Variants in RASAL1 observed in about 807,000 individuals in gnomAD.
RASAL1 encodes RAS protein activator like 1.
Under a neutral mutation model 96.6 loss-of-function variants are expected in RASAL1, and 72 were observed. That is an observed-to-expected ratio of 0.75 (90% confidence interval 0.62 to 0.91). The LOEUF is 0.91. Ranked by LOEUF, RASAL1 falls within the 40% of genes least tolerant of loss-of-function variation. The pLI is 0.00. For missense variants in RASAL1, 1,016 were observed against 1,072.5 expected, an observed-to-expected ratio of 0.95 and a Z score of 0.74; for synonymous variants, 405 against 430.4, an observed-to-expected ratio of 0.94 and a Z score of 0.73.
intron 13 of RASAL1, among the ~76,000 whole-genome samples, chr12:113,108,541 A>C (rs1223288205): frequency 3.3e-5 from 5 of 152,364 alleles, no homozygotes; most frequent in Non-Finnish European, 4.4e-5. Flanking sequence ...CAGATGAGGA[A>C]GCAGAAGCTC....
intron 13 of RASAL1, among the ~76,000 whole-genome samples, chr12:113,109,364 G>A (rs2136138900): frequency 6.6e-6 from 1 of 152,242 alleles, no homozygotes; most frequent in South Asian, 2.1e-4. Flanking sequence ...GCTCAGTAGT[G>A]AACCCAGTCT....
At chr12:113,110,129 C>G (rs1950815215) in intron 13 of RASAL1, among the ~76,000 whole-genome samples, 1 of 152,192 alleles carries the variant, frequency 6.6e-6, no homozygotes, top group African/African-American at 2.4e-5. Context: ...GCTGGCAGCC[C>G]AGGTGAGAGC....
chr12:113,100,660 G>C lies in RASAL1; in HGVS notation c.2246C>G (p.Ser749Cys), dbSNP rs751347203. 6.2e-7 allele frequency: 1 copy of C among 1,609,916 alleles called. No individual in the cohort carries two copies. Among genetic ancestry groups the C allele is most frequent in the African/African-American group, 1.3e-5 (1 of 74,806 alleles). ...DQLRLKLLED[S>C]NMDTTLEADT... Reference sequence around the variant, plus strand: ...TGCCTCCAGAGTTGTATCCATGTTAGAATCCTCCAGTAATTTCAGCCTGGA... The same window carrying C: ...TGCCTCCAGAGTTGTATCCATGTTACAATCCTCCAGTAATTTCAGCCTGGA... The change falls in exon 20 of 21, where the codon TCT becomes TGT. Residue 749 changes from serine (S) to cysteine (C), a missense_variant. Coordinates refer to ENST00000548055, the MANE Select transcript of RASAL1 (RefSeq NM_001301202.2).
In RASAL1 at chr12:113,131,092, AC is replaced by A. The variant is rs1226351346; in HGVS notation, c.66-152del. 75 of 609,510 alleles carry A rather than the reference AC, an allele frequency of 1.2e-4. 2 individuals are homozygous for A. The East Asian group carries it at 2.0e-3, about 17-fold the overall frequency. The allele number at this position is 609,510 out of a possible 1,614,324, so 37.8% of individuals were successfully genotyped here. A position where few individuals can be genotyped will look rare whatever the true frequency, so the allele number is the denominator to read the frequency against. ...ACAGCAAGTCCAGCTCAGAAGTAGA[AC>A]CTTAGGGGACCAGCAGGAGATGTCA... On this transcript the variant is annotated intron_variant, in intron 1 of 20. Coordinates refer to ENST00000548055, the MANE Select transcript of RASAL1 (RefSeq NM_001301202.2).
chr12:113,107,385 G>A, intron 14 of RASAL1, 144 bp from the exon 15 acceptor site: 2 of 980,554 alleles, frequency 2.0e-6, no homozygotes, highest in Middle Eastern at 3.3e-4. Context: ...CACTTTGGGA[G>A]GCCGAAGTAA....
chr12:113,136,625 G>T (rs533915753), upstream of RASAL1, among the ~76,000 whole-genome samples: 1 of 152,356 alleles, frequency 6.6e-6, no homozygotes, highest in East Asian at 1.9e-4. Flanking sequence ...ACCTCTCTGT[G>T]CTTTGGTTTG....
At chr12:113,106,732 C>T (rs911216010) in intron 15 of RASAL1, among the ~76,000 whole-genome samples, 1 of 152,166 alleles carries the variant, frequency 6.6e-6, no homozygotes, top group South Asian at 2.1e-4. Flanking sequence ...GCCTGTGGTC[C>T]CCAACAAAAT....
rs1378940833 is a variant in RASAL1 at position 113,115,503 on chromosome 12, G to A, written c.1003+132C>T. The A allele has an allele frequency of 3.1e-6, 4 of 1,270,434 alleles. No individual in the cohort carries two copies. Among genetic ancestry groups the A allele is most frequent in the Admixed American group, 5.0e-5 (2 of 40,060 alleles). 78.7% of individuals were successfully genotyped at this position (1,270,434 alleles called of 1,614,324 possible). On this transcript the variant is annotated intron_variant, in intron 10 of 20. Transcript: ENST00000548055. This position sits in a 1 kb window ranked among gnomAD's most constrained non-coding sequence, Gnocchi z 4.1. ...ATTGGGCTCCCAACTGTCTGGAGGT[G>A]CACAGCACAGGGACCCACAGAAAAA...
chr12:113,115,070 C>G lies in RASAL1; in HGVS notation c.1068+130G>C. The G allele has an allele frequency of 8.6e-7, 1 of 1,164,846 alleles. No homozygotes were observed. The highest frequency in any genetic ancestry group is 1.3e-6 in the Non-Finnish European group (1 of 782,484). 72.2% of individuals were successfully genotyped at this position (1,164,846 alleles called of 1,614,324 possible). On this transcript the variant is annotated intron_variant, in intron 11 of 20. Coordinates refer to ENST00000548055, the MANE Select transcript of RASAL1 (RefSeq NM_001301202.2). This position sits in a 1 kb window ranked among gnomAD's most constrained non-coding sequence, Gnocchi z 4.1. Reference sequence around the variant, plus strand: ...GTGCAACTCAGGGCAAGGCCGGGCACCAGCCGCCAGCACTGCAGCTCGGCT... The same window carrying G: ...GTGCAACTCAGGGCAAGGCCGGGCAGCAGCCGCCAGCACTGCAGCTCGGCT...
At chr12:113,109,211 C>T (rs73207014) in intron 13 of RASAL1, among the ~76,000 whole-genome samples, 15,697 of 152,062 alleles carry the variant, frequency 0.1, 1,075 homozygotes, top group Middle Eastern at 0.19. Context: ...CTTCACCACA[C>T]TCTCCTGCCA....
chr12:113,105,302 A>C (rs542773766), intron 16 of RASAL1, among the ~76,000 whole-genome samples: 1 of 152,382 alleles, frequency 6.6e-6, no homozygotes, highest in South Asian at 2.1e-4. Context: ...TTGCTGAATG[A>C]ATGAACGAGT....
At chr12:113,134,651 G>A (rs530944866) in intron 1 of RASAL1, among the ~76,000 whole-genome samples, 14 of 152,330 alleles carry the variant, frequency 9.2e-5, no homozygotes, top group African/African-American at 3.4e-4. Flanking sequence ...AAGCAGGAGG[G>A]GGAACCCGCC....
At chr12:113,103,155 T>A (rs1950509930) in intron 18 of RASAL1, 1 of 167,514 alleles carries the variant, frequency 6.0e-6, no homozygotes, top group Non-Finnish European at 1.3e-5. Flanking sequence ...ATATACATTG[T>A]TAATAACAAT....
rs370529158 is a variant in RASAL1 at position 113,121,489 on chromosome 12, C to G, written c.428+20G>C. 1.2e-6 allele frequency: 2 copies of G among 1,613,728 alleles called. No homozygotes were observed. The highest frequency in any genetic ancestry group is 1.7e-6 in the Non-Finnish European group (2 of 1,179,824). ...CTCATTCTCAGACCACCCTCCACAC[C>G]ACCTCCACCTTAAGCATACCTGGCC... On this transcript the variant is annotated intron_variant, in intron 5 of 20. Transcript: ENST00000548055.
At chr12:113,118,565 A>G (rs1165387541) in intron 7 of RASAL1, among the ~76,000 whole-genome samples, 1 of 152,186 alleles carries the variant, frequency 6.6e-6, no homozygotes, top group Non-Finnish European at 1.5e-5. Flanking sequence ...ATCTTTAACT[A>G]TTTGAGGAAA....
At position 113,114,765 on chromosome 12, in the gene RASAL1, C is replaced by A. The variant is rs760395252; in HGVS notation, c.1181+35G>T. ...CAAGGCTCCGGGTAGCCAAAGGGGC[C>A]CGTCGGAAGGTCAGGGTCCTCAGGC... On this transcript the variant is annotated intron_variant, in intron 12 of 20. Transcript: ENST00000548055. 7.6e-6 allele frequency: 12 copies of A among 1,574,470 alleles called. No homozygotes were observed. In the South Asian group the frequency reaches 1.3e-4, roughly 17 times the overall value.
At position 113,129,398 on chromosome 12, in the gene RASAL1, G is replaced by A. The variant is rs1012456238; in HGVS notation, c.123-1220C>T. 6.6e-6 allele frequency among the ~76,000 whole-genome samples: 1 copy of A among 152,206 alleles called. No individual in the cohort carries two copies. Among genetic ancestry groups the A allele is most frequent in the Non-Finnish European group, 1.5e-5 (1 of 68,038 alleles). The stretch of plus-strand genomic sequence containing the variant: ...GAATAGGAAGGTGCCTGGTGGGAAT[G>A]GGGGAGGGAGAGGGGCCAGGAGACA... On this transcript the variant is annotated intron_variant, in intron 2 of 20. Transcript: ENST00000548055. The surrounding 1 kb of genome is among the most constrained non-coding windows in gnomAD (Gnocchi z 5.0).
intron 15 of RASAL1, among the ~76,000 whole-genome samples, chr12:113,106,237 C>T (rs1488962640): frequency 1.3e-5 from 2 of 152,120 alleles, no homozygotes; most frequent in African/African-American, 4.8e-5. Context: ...CCCCGCCACC[C>T]CACCCCAGCA....
chr12:113,113,734 T>C (rs1408551325), intron 12 of RASAL1, among the ~76,000 whole-genome samples: 1 of 152,182 alleles, frequency 6.6e-6, no homozygotes, highest in Non-Finnish European at 1.5e-5. Flanking sequence ...CCCCAGTGGA[T>C]ACCCCAGCAA....
Sources: gnomAD v4.1 joint callset for allele counts (sites outside exome capture counted in the v4.1 genomes callset) on GRCh38, gnomAD v4.1.1 for gene constraint, Gnocchi (gnomAD v3.1) non-coding constraint, MANE v1.5 for transcripts, NCBI Gene and HGNC (gene_info 2026-07-23, HGNC 2026-07-21) for gene names.